NRDC: variants seen among roughly 807,000 people sequenced by gnomAD.
NRDC encodes the protein nardilysin convertase.
NRDC carries 54 observed loss-of-function variants against 147.1 expected under a neutral mutation model. That is an observed-to-expected ratio of 0.37 (90% CI 0.29 to 0.46). NRDC has a LOEUF of 0.46. Ranked by LOEUF, NRDC falls within the 20% of genes least tolerant of loss-of-function variation. The pLI is 1.00. For synonymous variants in NRDC, 440 were observed against 482.1 expected (o/e 0.91, Z 1.14); for missense variants, 1,082 against 1,370.6 (o/e 0.79, Z 3.33).
intron 16 of NRDC, among the ~76,000 whole-genome samples, 175 bp from the exon 17 acceptor site, chr1:51,809,576 A>G (rs72663139): frequency 6.6e-6 from 1 of 152,156 alleles, no homozygotes; most frequent in Non-Finnish European, 1.5e-5. Flanking sequence ...TCCTAGCAGC[A>G]CTGGCATCAC....
chr1:51,793,172 T>C (rs1557895748), intron 24 of NRDC, among the ~76,000 whole-genome samples: 1 of 152,246 alleles, frequency 6.6e-6, no homozygotes, highest in Non-Finnish European at 1.5e-5. Flanking sequence ...AGAAAGGATA[T>C]GGTTTCCAAA....
At chr1:51,790,452 C>G in intron 29 of NRDC, 81 bp downstream of exon 29, 1 of 838,468 alleles carries the variant, frequency 1.2e-6, no homozygotes, top group South Asian at 1.5e-5. Context: ...CCACACAATG[C>G]TGGTGTGCAC....
intron 24 of NRDC, 112 bp from the exon 25 acceptor site, chr1:51,792,536 C>A (rs904688354): frequency 9.0e-6 from 8 of 886,680 alleles, no homozygotes; most frequent in Non-Finnish European, 1.5e-5. Flanking sequence ...CGCTCTCCCC[C>A]AAGAGAGTTA....
rs1202361242 is a variant in NRDC, at chr1:51,878,693, G to A, written c.-78C>T. The A allele has an allele frequency of 7.6e-7, 1 of 1,319,182 alleles. No homozygotes were observed. Among genetic ancestry groups the A allele is most frequent in the East Asian group, 2.5e-5 (1 of 39,816 alleles). 81.7% of individuals were successfully genotyped at this position (1,319,182 alleles called of 1,614,324 possible). ...CGCGTTCTAGAGGCGGTGGCGGCCG[G>A]CCCTGGTGCTGCCGCAGCCGCGGGG... On this transcript the variant is annotated 5_prime_UTR_variant, in exon 1 of 31. Transcript: ENST00000352171.
intron 24 of NRDC, among the ~76,000 whole-genome samples, chr1:51,793,033 C>T (rs1402612007): frequency 6.6e-6 from 1 of 152,218 alleles, no homozygotes; most frequent in African/African-American, 2.4e-5. Context: ...TCCTCTCACA[C>T]AGACTCATTT....
intron 29 of NRDC, 102 bp downstream of exon 29, chr1:51,790,431 G>A (rs560318440): frequency 4.4e-5 from 34 of 780,872 alleles, no homozygotes; most frequent in African/African-American, 8.5e-5. Flanking sequence ...CTAGTGTTTC[G>A]AGTTTCTCTT....
At chr1:51,807,228 T>C (rs1679509032) in intron 17 of NRDC, among the ~76,000 whole-genome samples, 1 of 152,244 alleles carries the variant, frequency 6.6e-6, no homozygotes, top group African/African-American at 2.4e-5. Context: ...AACCAATTTA[T>C]TAAACAATCC....
intron 1 of NRDC, among the ~76,000 whole-genome samples, chr1:51,848,049 G>A (rs1055935873): frequency 2.0e-5 from 3 of 152,200 alleles, no homozygotes; most frequent in African/African-American, 7.2e-5. Flanking sequence ...CTTTATGGAG[G>A]ATCACGTCTA....
chr1:51,846,631 G>A (rs763183531), intron 1 of NRDC, among the ~76,000 whole-genome samples: 1 of 152,226 alleles, frequency 6.6e-6, no homozygotes, highest in African/African-American at 2.4e-5. Context: ...CAGGAGTGAA[G>A]CTGCAGACCT....
At chr1:51,872,053 TAG>T (rs1683110239) in intron 1 of NRDC, among the ~76,000 whole-genome samples, 1 of 152,174 alleles carries the variant, frequency 6.6e-6, no homozygotes, top group South Asian at 2.1e-4. Flanking sequence ...TGTATTTTAG[TAG>T]AGACAGGGTT....
chr1:51,871,711 A>G (rs532833432), intron 1 of NRDC, among the ~76,000 whole-genome samples: 6 of 152,120 alleles, frequency 3.9e-5, no homozygotes, highest in African/African-American at 1.2e-4. Context: ...GACAAAACAA[A>G]AAGTCATACT....
intron 14 of NRDC, among the ~76,000 whole-genome samples, chr1:51,813,171 T>C (rs773076980): frequency 5.2e-4 from 79 of 152,050 alleles, no homozygotes; most frequent in Non-Finnish European, 9.6e-4. Flanking sequence ...CGATAAGAAG[T>C]TATATTAATA....
intron 2 of NRDC, 175 bp downstream of exon 2, chr1:51,840,051 C>CGTAA (rs1681188600): frequency 7.8e-6 from 4 of 515,522 alleles, no homozygotes; most frequent in Non-Finnish European, 1.4e-5. Flanking sequence ...TGAGCATTTA[C>CGTAA]TACTTTTATA....
chr1:51,836,971 G>A (rs1440131016), intron 2 of NRDC, among the ~76,000 whole-genome samples: 1 of 146,332 alleles, frequency 6.8e-6, no homozygotes, highest in African/African-American at 2.6e-5. Context: ...TTTTAAGACA[G>A]GGGTCTTGCT....
chr1:51,794,580 C>G lies in NRDC; in HGVS notation c.2667G>C (p.Glu889Asp). Reference protein sequence around the residue: ...DKLNFKPLEQEMPVQFQVVEL... With the variant: ...DKLNFKPLEQDMPVQFQVVEL... ...CTACCACCTGGAACTGCACAGGCATCTCCTGCTCCAGAGGCTTGAAGTTTA... is the reference window on the plus strand; with the variant it reads ...CTACCACCTGGAACTGCACAGGCATGTCCTGCTCCAGAGGCTTGAAGTTTA... Residue 889 changes from glutamate to aspartate, a missense_variant, in exon 24 of 31, where the codon GAG (glutamate) becomes GAC (aspartate). Glu to Asp is a conservative substitution (Grantham distance 45). Transcript: ENST00000352171. 1 of 1,614,204 alleles carries G rather than the reference C, an allele frequency of 6.2e-7. No individual in the cohort carries two copies.
intron 1 of NRDC, among the ~76,000 whole-genome samples, chr1:51,848,444 G>T (rs1681766997): frequency 6.6e-6 from 1 of 152,096 alleles, no homozygotes; most frequent in Non-Finnish European, 1.5e-5. Flanking sequence ...TAGCGCCACG[G>T]CACTCTAGCC....
At chr1:51,847,347 GA>G (rs910551780) in intron 1 of NRDC, among the ~76,000 whole-genome samples, 14 of 152,254 alleles carry the variant, frequency 9.2e-5, no homozygotes, top group African/African-American at 3.4e-4. Flanking sequence ...CCAGCAGGTG[GA>G]ACTGCCTGCC....
intron 19 of NRDC, among the ~76,000 whole-genome samples, chr1:51,805,025 A>G (rs1186269226): frequency 6.6e-6 from 1 of 152,248 alleles, no homozygotes. Context: ...TTTCCCAAGT[A>G]TCTCCTATAT....
chr1:51,840,018 T>A, intron 2 of NRDC: 1 of 439,544 alleles, frequency 2.3e-6, no homozygotes, highest in Non-Finnish European at 4.0e-6. Flanking sequence ...TTTGTTTTCT[T>A]TATATTCCAT....
Sources: gnomAD v4.1 joint callset for allele counts (sites outside exome capture counted in the v4.1 genomes callset) on GRCh38, gnomAD v4.1.1 for gene constraint, MANE v1.5 for transcripts, NCBI Gene and HGNC (gene_info 2026-07-23, HGNC 2026-07-21) for gene names.